The following USP3 variants were observed in gnomAD, a reference collection of about 807,000 sequenced individuals.
USP3 encodes the protein ubiquitin carboxyl-terminal hydrolase 3.
USP3 carries 20 observed loss-of-function variants against 72.3 expected under a neutral mutation model. That is an observed-to-expected ratio of 0.28 (90% CI 0.19 to 0.40). The LOEUF (loss-of-function observed/expected upper bound fraction) is 0.40, where lower values mean the gene tolerates loss of function less well. USP3 is among the 10% of genes least tolerant of loss of function. USP3 has a pLI of 1.00. For missense variants in USP3, 479 were observed against 633.9 expected, an observed-to-expected ratio of 0.76 and a Z score of 2.62; for synonymous variants, 222 against 225.3, an observed-to-expected ratio of 0.99 and a Z score of 0.13.
In USP3 at chr15:63,574,568, TGAATAA is replaced by T. The variant is rs1373905068; in HGVS notation, c.1096+170_1096+175del. ...CTTTTCCTACTCCCCAAAATGTTAT[TGAATAA>T]GAATGTGTGCCATAAGATATTGTGT... On this transcript the variant is annotated intron_variant, in intron 11 of 14. Coordinates refer to ENST00000380324, the MANE Select transcript of USP3 (RefSeq NM_006537.4). This position sits in a 1 kb window ranked among gnomAD's most constrained non-coding sequence, Gnocchi z 4.6. Among the ~76,000 whole-genome samples, 1 of 152,214 alleles carries T rather than the reference TGAATAA, an allele frequency of 6.6e-6. No homozygotes were observed. The highest frequency in any genetic ancestry group is 2.4e-5 in the African/African-American group (1 of 41,458).
At chr15:63,551,211 ACT>A (rs1217063222) in intron 3 of USP3, 2 of 151,672 alleles carry the variant, frequency 1.3e-5, no homozygotes, top group Non-Finnish European at 2.9e-5. Context: ...TTATCTTAAA[ACT>A]CTTTTTTTAC....
rs1031151177 is a variant in USP3, at chr15:63,592,858, TTTAATA to T, written c.*2037_*2042del. On this transcript the variant is annotated 3_prime_UTR_variant, in exon 15 of 15. Transcript: ENST00000380324. ...GGAGCAGATGTAGCTCCATTTCCAT[TTTAATA>T]TTAACTGGATAAATCCCACATCTTC... 1.2e-4 allele frequency: 18 copies of T among 152,304 alleles called. No individual in the cohort carries two copies. The highest frequency in any genetic ancestry group is 4.3e-4 in the African/African-American group (18 of 41,548). 9.4% of individuals were successfully genotyped at this position (152,304 alleles called of 1,614,324 possible). A position where few individuals can be genotyped will look rare whatever the true frequency, so the allele number is the denominator to read the frequency against.
In USP3 at chr15:63,594,417, C is replaced by T. The variant is rs890184636; in HGVS notation, c.*3591C>T. 3.9e-5 allele frequency: 6 copies of T among 152,262 alleles called. No homozygotes were observed. The highest frequency in any genetic ancestry group is 1.2e-4 in the African/African-American group (5 of 41,434). The allele number at this position is 152,262 out of a possible 1,614,324, so 9.4% of individuals were successfully genotyped here. ...TGCGTCTCGTCAGTGGGTGCAGTGCCTTCCCCCTCAGGTGTGAGCGTGATG... is the reference window on the plus strand; with the variant it reads ...TGCGTCTCGTCAGTGGGTGCAGTGCTTTCCCCCTCAGGTGTGAGCGTGATG... On this transcript the variant is annotated 3_prime_UTR_variant, in exon 15 of 15. Coordinates refer to ENST00000380324, the MANE Select transcript of USP3 (RefSeq NM_006537.4).
At chr15:63,579,889 G>T (rs1023161661) in intron 11 of USP3, among the ~76,000 whole-genome samples, 1 of 152,170 alleles carries the variant, frequency 6.6e-6, no homozygotes, top group African/African-American at 2.4e-5. Context: ...GGTGAAAAGG[G>T]TAAAGATGGA....
intron 3 of USP3, chr15:63,542,034 G>C: frequency 1.0e-6 from 1 of 985,028 alleles, no homozygotes; most frequent in Non-Finnish European, 1.2e-6. Context: ...TTATTTGTAT[G>C]ATTATTCCTC....
chr15:63,536,455 A>AG (rs1491455886), intron 2 of USP3, among the ~76,000 whole-genome samples: 2 of 34,778 alleles, frequency 5.8e-5, no homozygotes, highest in Non-Finnish European at 9.5e-5. Flanking sequence ...GGTCTGAGAG[A>AG]AAAAAAAAAA....
Position 63,537,277 on chromosome 15 carries a change from G to T in USP3, c.284+121G>T. 5 of 1,183,314 alleles carry T rather than the reference G, an allele frequency of 4.2e-6. No homozygotes were observed. The South Asian group carries it at 8.2e-5, about 19-fold the overall frequency. 73.3% of individuals were successfully genotyped at this position (1,183,314 alleles called of 1,614,324 possible). On this transcript the variant is annotated intron_variant, in intron 3 of 14. Coordinates refer to ENST00000380324, the MANE Select transcript of USP3 (RefSeq NM_006537.4). The stretch of plus-strand genomic sequence containing the variant: ...TGTTACCTCCTTTTACAACTGTTAG[G>T]ATTCACGGAGGACTGGAGCCATTGG...
At chr15:63,586,914 C>T (rs954440820) in intron 11 of USP3, among the ~76,000 whole-genome samples, 1 of 152,102 alleles carries the variant, frequency 6.6e-6, no homozygotes, top group African/African-American at 2.4e-5. Flanking sequence ...CTTCTAGGTA[C>T]TAGGATCAGG....
intron 1 of USP3, among the ~76,000 whole-genome samples, chr15:63,510,198 G>T (rs1053540625): frequency 6.6e-6 from 1 of 152,172 alleles, no homozygotes; most frequent in African/African-American, 2.4e-5. Context: ...AGTGTTTGCA[G>T]CTCAGTGAGT....
intron 3 of USP3, among the ~76,000 whole-genome samples, chr15:63,540,248 T>C (rs2066224344): frequency 6.6e-6 from 1 of 152,164 alleles, no homozygotes; most frequent in Non-Finnish European, 1.5e-5. Context: ...TTGCAATCCT[T>C]TATGAAGTTA....
intron 1 of USP3, among the ~76,000 whole-genome samples, chr15:63,522,905 T>C (rs2065937726): frequency 6.6e-6 from 1 of 152,230 alleles, no homozygotes; most frequent in South Asian, 2.1e-4. Flanking sequence ...TAATGTCTTT[T>C]CTGAATACTT....
At chr15:63,581,348 TGTGTGTGTG>T (rs2066957034) in intron 11 of USP3, among the ~76,000 whole-genome samples, 1 of 4,222 alleles carries the variant, frequency 2.4e-4, no homozygotes, top group African/African-American at 1.3e-3. Flanking sequence ...TTGGTTTTTG[TGTGTGTGTG>T]TGTGTGTGTG....
chr15:63,511,953 C>CTTTTT (rs58146448), intron 1 of USP3, among the ~76,000 whole-genome samples: 7 of 112,262 alleles, frequency 6.2e-5, no homozygotes, highest in African/African-American at 1.0e-4. Context: ...AACTGCAGAT[C>CTTTTT]TTTTTTTTTT....
At chr15:63,580,821 C>A (rs967886222) in intron 11 of USP3, among the ~76,000 whole-genome samples, 1 of 151,674 alleles carries the variant, frequency 6.6e-6, no homozygotes, top group Non-Finnish European at 1.5e-5. Context: ...CTAGTAGACT[C>A]TTTTTGAGAT....
chr15:63,511,944 AC>A (rs1439704546), intron 1 of USP3, among the ~76,000 whole-genome samples: 2 of 148,934 alleles, frequency 1.3e-5, no homozygotes, highest in Non-Finnish European at 3.0e-5. Context: ...AAAACTAGTA[AC>A]TGCAGATCTT....
At chr15:63,566,316 T>A (rs999765457) in intron 8 of USP3, among the ~76,000 whole-genome samples, 13 of 151,612 alleles carry the variant, frequency 8.6e-5, no homozygotes, top group East Asian at 1.9e-4. Context: ...TTTTTTTTTT[T>A]AATTTTATTT....
intron 3 of USP3, among the ~76,000 whole-genome samples, chr15:63,547,852 GAGAGAGAGAGGCAT>G (rs1369073381): frequency 9.4e-6 from 1 of 106,038 alleles, no homozygotes; most frequent in African/African-American, 4.0e-5. Context: ...GAGGGAGAGA[GAGAGAGAGAGGCAT>G]AGAGAGAGAG....
chr15:63,549,529 G>A (rs754534742), intron 3 of USP3, among the ~76,000 whole-genome samples: 3 of 152,142 alleles, frequency 2.0e-5, no homozygotes, highest in Non-Finnish European at 4.4e-5. Context: ...AATCAACAAA[G>A]CGTTTGTTGT....
chr15:63,506,069 C>T (rs1422938922), intron 1 of USP3, among the ~76,000 whole-genome samples: 5 of 152,212 alleles, frequency 3.3e-5, no homozygotes, highest in Admixed American at 3.3e-4. Flanking sequence ...TCCTGGCGCG[C>T]TCAGACGTCT....
Sources: allele counts gnomAD v4.1 joint callset (sites outside exome capture counted in the v4.1 genomes callset), GRCh38; gene constraint gnomAD v4.1.1; non-coding constraint Gnocchi (gnomAD v3.1); transcripts MANE v1.5; gene names NCBI Gene and HGNC (gene_info 2026-07-23, HGNC 2026-07-21).